Variants in TTC29 observed in about 807,000 individuals in gnomAD.
TTC29 encodes the protein tetratricopeptide repeat protein 29.
A neutral mutation model predicts 58.1 loss-of-function variants in TTC29; 49 were observed. The observed-to-expected ratio is 0.84, with a 90% CI of 0.67 to 1.07. The LOEUF (loss-of-function observed/expected upper bound fraction) is 1.07. TTC29 is among the 50% of genes least tolerant of loss of function. The probability of loss-of-function intolerance (pLI) is 0.00; values close to 1 mark genes in which losing one functional copy is unlikely to be tolerated. For missense variants in TTC29, 582 were observed against 555.6 expected (o/e 1.05, Z -0.48); for synonymous variants, 209 against 196.8 (o/e 1.06, Z -0.52).
At chr4:146,822,352 C>T (rs1419822372) in intron 9 of TTC29, among the ~76,000 whole-genome samples, 1 of 152,076 alleles carries the variant, frequency 6.6e-6, no homozygotes, top group Admixed American at 6.6e-5. Flanking sequence ...TTTTCTGTTC[C>T]TGTGTTAACT....
intron 11 of TTC29, among the ~76,000 whole-genome samples, chr4:146,732,817 A>G (rs1273670843): frequency 1.3e-5 from 2 of 152,290 alleles, no homozygotes; most frequent in African/African-American, 2.4e-5. Flanking sequence ...AGGAAGAGGA[A>G]TACAGCCTTA....
At chr4:146,751,672 T>C (rs1044828844) in intron 11 of TTC29, among the ~76,000 whole-genome samples, 1 of 151,946 alleles carries the variant, frequency 6.6e-6, no homozygotes, top group African/African-American at 2.4e-5. Flanking sequence ...AAACACAGGA[T>C]ACCAAAACGT....
chr4:146,848,736 GC>G (rs1315757499), intron 8 of TTC29, among the ~76,000 whole-genome samples: 1 of 152,144 alleles, frequency 6.6e-6, no homozygotes, highest in East Asian at 1.9e-4. Flanking sequence ...ATTGCCAGTT[GC>G]CCTGCTTCCT....
intron 5 of TTC29, among the ~76,000 whole-genome samples, chr4:146,907,686 G>C (rs1171303518): frequency 1.3e-5 from 2 of 152,106 alleles, no homozygotes; most frequent in African/African-American, 4.8e-5. Context: ...TTTTAGTAGA[G>C]ACGGGTTTTC....
intron 3 of TTC29, 142 bp from the exon 4 acceptor site, chr4:146,937,819 G>C: frequency 2.1e-6 from 1 of 467,756 alleles, no homozygotes; most frequent in Non-Finnish European, 3.8e-6. Context: ...GAGTTAGGTC[G>C]TTGGTTGATC....
chr4:146,824,890 T>C (rs74765124), intron 9 of TTC29, among the ~76,000 whole-genome samples: 9,579 of 152,134 alleles, frequency 0.063, 403 homozygotes, highest in Admixed American at 0.13. Flanking sequence ...TATTTGTGTA[T>C]AGTTGTTTAC....
chr4:146,724,160 G>C (rs1197890161), intron 11 of TTC29, among the ~76,000 whole-genome samples: 1 of 152,144 alleles, frequency 6.6e-6, no homozygotes, highest in African/African-American at 2.4e-5. Context: ...CTTACAAGTA[G>C]GAGTTAAACA....
chr4:146,813,104 T>C (rs901842967), intron 10 of TTC29: 2 of 152,248 alleles, frequency 1.3e-5, no homozygotes, highest in African/African-American at 2.4e-5. Flanking sequence ...CATTATAACA[T>C]AGAATTTTCA....
At chr4:146,837,285 C>A (rs1315951390) in intron 8 of TTC29, among the ~76,000 whole-genome samples, 2 of 151,924 alleles carry the variant, frequency 1.3e-5, no homozygotes, top group Non-Finnish European at 2.9e-5. Flanking sequence ...TAAGTGGGTG[C>A]TAAATGATGG....
At chr4:146,819,623 T>A (rs767887026) in intron 10 of TTC29, among the ~76,000 whole-genome samples, 1 of 152,242 alleles carries the variant, frequency 6.6e-6, no homozygotes, top group Non-Finnish European at 1.5e-5. Context: ...TCCTGTTTTC[T>A]CTTTCATGTA....
intron 6 of TTC29, among the ~76,000 whole-genome samples, chr4:146,886,924 C>A (rs1732024360): frequency 1.3e-5 from 2 of 152,066 alleles, no homozygotes; most frequent in Admixed American, 6.6e-5. Context: ...CTTGGATGAA[C>A]CTTGGGACAT....
At chr4:146,716,667 C>G (rs769161593) in intron 11 of TTC29, among the ~76,000 whole-genome samples, 34 of 152,110 alleles carry the variant, frequency 2.2e-4, no homozygotes, top group Non-Finnish European at 3.7e-4. Flanking sequence ...TGTAGATATA[C>G]AGTATCCAGT....
chr4:146,742,714 T>C (rs1579571998), intron 11 of TTC29, among the ~76,000 whole-genome samples: 2 of 84,464 alleles, frequency 2.4e-5, no homozygotes, highest in Admixed American at 1.5e-4. Context: ...CCCTTCCCCT[T>C]CCCTCCCCTC....
In TTC29 at chr4:146,706,757, T is replaced by C. The variant is rs1741990351; in HGVS notation, c.*401A>G. ...CTTAATTGCTTATACTCCTTTTATCTATGTTGAGAAGTTTCCCTAGAGTTT... is the reference window on the plus strand; with the variant it reads ...CTTAATTGCTTATACTCCTTTTATCCATGTTGAGAAGTTTCCCTAGAGTTT... On this transcript the variant is annotated 3_prime_UTR_variant, in exon 13 of 13. Transcript: ENST00000325106. 1 of 156,626 alleles carries C rather than the reference T, an allele frequency of 6.4e-6. No individual in the cohort carries two copies. 9.7% of individuals were successfully genotyped at this position (156,626 alleles called of 1,614,324 possible).
chr4:146,831,583 C>T (rs1359774789), intron 9 of TTC29: 19 of 322,678 alleles, frequency 5.9e-5, no homozygotes, highest in Non-Finnish European at 6.4e-5. Context: ...AGCTGTATCC[C>T]GTCCCACTCC....
At chr4:146,843,347 A>G (rs759404073) in intron 8 of TTC29, among the ~76,000 whole-genome samples, 3 of 152,196 alleles carry the variant, frequency 2.0e-5, no homozygotes, top group Non-Finnish European at 4.4e-5. Flanking sequence ...CATCTTTTGC[A>G]TTCCGCTGAA....
chr4:146,887,308 A>C (rs554710285), intron 6 of TTC29, among the ~76,000 whole-genome samples: 1 of 152,284 alleles, frequency 6.6e-6, no homozygotes, highest in Admixed American at 6.5e-5. Context: ...GCATGAAAAA[A>C]ATACTCAGTC....
intron 11 of TTC29, among the ~76,000 whole-genome samples, chr4:146,735,788 A>G (rs1744671148): frequency 6.6e-6 from 1 of 152,158 alleles, no homozygotes; most frequent in African/African-American, 2.4e-5. Context: ...GTAAAACTGA[A>G]CAACAGTTCG....
At chr4:146,844,843 A>T (rs1729066784) in intron 8 of TTC29, among the ~76,000 whole-genome samples, 1 of 152,220 alleles carries the variant, frequency 6.6e-6, no homozygotes, top group Admixed American at 6.6e-5. Flanking sequence ...CAATTAGTTT[A>T]GTGCCATCAT....
Sources: gnomAD v4.1 joint callset for allele counts (sites outside exome capture counted in the v4.1 genomes callset) on GRCh38, gnomAD v4.1.1 for gene constraint, MANE v1.5 for transcripts, NCBI Gene and HGNC (gene_info 2026-07-23, HGNC 2026-07-21) for gene names.